Variants in OLA1 observed in about 807,000 individuals in gnomAD.
The protein encoded by OLA1 is Obg like ATPase 1, also known as obg-like ATPase 1.
OLA1 carries 14 observed loss-of-function variants against 48.4 expected under a neutral mutation model. The ratio of observed to expected loss-of-function variants is 0.29; its 90% confidence interval spans 0.19 to 0.45. The LOEUF (loss-of-function observed/expected upper bound fraction) is 0.45, where lower values mean the gene tolerates loss of function less well. OLA1 is among the 20% of genes least tolerant of loss of function. The pLI, the probability that OLA1 is intolerant of heterozygous loss-of-function variation, is 1.00. For synonymous variants in OLA1, 127 were observed against 150.4 expected (o/e 0.84, Z 1.14); for missense variants, 325 against 467.1 (o/e 0.70, Z 2.80).
At chr2:174,087,267 C>G (rs1347001567) in intron 7 of OLA1, among the ~76,000 whole-genome samples, 1 of 152,036 alleles carries the variant, frequency 6.6e-6, no homozygotes, top group Non-Finnish European at 1.5e-5. Flanking sequence ...CTCAGGTGAT[C>G]CACCCGCCTC....
chr2:174,227,773 A>G (rs1183132754), intron 3 of OLA1, among the ~76,000 whole-genome samples: 1 of 152,208 alleles, frequency 6.6e-6, no homozygotes, highest in Non-Finnish European at 1.5e-5. Flanking sequence ...TTACAGTACA[A>G]TAGTAACAAA....
At chr2:174,131,992 A>T (rs1686193320) in intron 5 of OLA1, among the ~76,000 whole-genome samples, 1 of 152,114 alleles carries the variant, frequency 6.6e-6, no homozygotes, top group South Asian at 2.1e-4. Context: ...CATCTGGGTC[A>T]GGACATTTCT....
intron 3 of OLA1, among the ~76,000 whole-genome samples, chr2:174,227,585 T>C (rs1427331467): frequency 6.6e-6 from 1 of 152,182 alleles, no homozygotes; most frequent in Non-Finnish European, 1.5e-5. Flanking sequence ...TTTATATAAA[T>C]TTAAAATCAT....
intron 4 of OLA1, among the ~76,000 whole-genome samples, chr2:174,187,919 G>A (rs539239926): frequency 6.6e-6 from 1 of 152,286 alleles, no homozygotes; most frequent in Admixed American, 6.5e-5. Flanking sequence ...TGGTGACTGT[G>A]AAGGATTCTG....
chr2:174,133,783 A>T (rs1043352904), intron 5 of OLA1, among the ~76,000 whole-genome samples: 1 of 115,332 alleles, frequency 8.7e-6, no homozygotes, highest in African/African-American at 2.6e-5. Flanking sequence ...TTTAATTTTT[A>T]AAAAAATTAC....
chr2:174,077,734 G>C (rs961843517), intron 10 of OLA1, among the ~76,000 whole-genome samples: 1 of 151,840 alleles, frequency 6.6e-6, no homozygotes, highest in African/African-American at 2.4e-5. Flanking sequence ...TGGTAAACAG[G>C]CTTACCATTT....
At chr2:174,078,214 A>C (rs1459624240) in intron 10 of OLA1, among the ~76,000 whole-genome samples, 1 of 152,008 alleles carries the variant, frequency 6.6e-6, no homozygotes, top group African/African-American at 2.4e-5. Flanking sequence ...ATCTTCTTTA[A>C]ATTCTATAAC....
chr2:174,235,133 C>T (rs767844769), intron 2 of OLA1, among the ~76,000 whole-genome samples: 3 of 151,816 alleles, frequency 2.0e-5, no homozygotes, highest in Non-Finnish European at 2.9e-5. Context: ...CACTCCAGCC[C>T]GGGCAACAGA....
intron 2 of OLA1, among the ~76,000 whole-genome samples, chr2:174,236,177 A>T (rs1025567670): frequency 6.6e-6 from 1 of 152,084 alleles, no homozygotes; most frequent in Non-Finnish European, 1.5e-5. Context: ...AAAAGCAGAA[A>T]TATATATACC....
At chr2:174,210,140 A>G (rs1688208765) in intron 4 of OLA1, among the ~76,000 whole-genome samples, 1 of 152,202 alleles carries the variant, frequency 6.6e-6, no homozygotes, top group Non-Finnish European at 1.5e-5. Flanking sequence ...TTGGAGGCAT[A>G]TGCTCCAAAA....
intron 10 of OLA1, among the ~76,000 whole-genome samples, chr2:174,075,813 C>T (rs941127465): frequency 6.6e-6 from 1 of 152,118 alleles, no homozygotes; most frequent in African/African-American, 2.4e-5. Context: ...TTTCATTACA[C>T]GCTGTTTATG....
At chr2:174,166,852 G>A (rs946872955) in intron 4 of OLA1, among the ~76,000 whole-genome samples, 2 of 152,056 alleles carry the variant, frequency 1.3e-5, no homozygotes, top group Admixed American at 1.3e-4. Context: ...CTAAAAGATT[G>A]TATTAACTTT....
chr2:174,159,174 G>A lies in OLA1; in HGVS notation c.374-17174C>T, dbSNP rs182435115. 6.2e-4 allele frequency among the ~76,000 whole-genome samples: 95 copies of A among 152,242 alleles called. 1 individual carries two copies. Among genetic ancestry groups the A allele is most frequent in the Non-Finnish European group, 5.1e-4 (35 of 67,998 alleles). On this transcript the variant is annotated intron_variant, in intron 4 of 10. Transcript: ENST00000284719. ...ACAAGAAATGGAAAGGGGCTAATCA[G>A]CAGAATTATTGTTTTGCTGCTACAA...
At chr2:174,245,398 C>G (rs1689103816) in intron 2 of OLA1, among the ~76,000 whole-genome samples, 1 of 152,158 alleles carries the variant, frequency 6.6e-6, no homozygotes, top group African/African-American at 2.4e-5. Flanking sequence ...CTTGGTCACG[C>G]CATGCTCTGT....
intron 4 of OLA1, among the ~76,000 whole-genome samples, chr2:174,222,535 AT>A (rs1000646990): frequency 6.6e-6 from 1 of 152,044 alleles, no homozygotes; most frequent in African/African-American, 2.4e-5. Flanking sequence ...CCACAGTCCT[AT>A]TTTTTCTCTT....
intron 4 of OLA1, among the ~76,000 whole-genome samples, chr2:174,213,504 A>AT (rs1688293414): frequency 6.6e-6 from 1 of 151,886 alleles, no homozygotes; most frequent in Non-Finnish European, 1.5e-5. Context: ...GAAAAAAAAA[A>AT]GGCTAAGGAT....
At chr2:174,202,308 T>G (rs909909724) in intron 4 of OLA1, among the ~76,000 whole-genome samples, 7 of 152,210 alleles carry the variant, frequency 4.6e-5, no homozygotes, top group African/African-American at 1.7e-4. Flanking sequence ...TTAACTGTAC[T>G]CCATACTGTA....
In OLA1 at chr2:174,239,300, T is replaced by A. The variant is rs576745869; in HGVS notation, c.101+7415A>T. Among the ~76,000 whole-genome samples the A allele has an allele frequency of 9.2e-5, 14 of 152,294 alleles. No individual in the cohort carries two copies. In the South Asian group the frequency reaches 2.9e-3, roughly 32 times the overall value. On this transcript the variant is annotated intron_variant, in intron 2 of 10. Transcript: ENST00000284719. Reference sequence around the variant, plus strand: ...TTAATTGCAATGGGAAAAATAACCCTTTCAGTGAAGAAATCTGTCAGATAC... The same window carrying A: ...TTAATTGCAATGGGAAAAATAACCCATTCAGTGAAGAAATCTGTCAGATAC...
intron 7 of OLA1, among the ~76,000 whole-genome samples, chr2:174,094,866 T>C (rs1406409273): frequency 2.0e-5 from 3 of 152,220 alleles, no homozygotes; most frequent in Non-Finnish European, 4.4e-5. Context: ...GTTTGACTAC[T>C]TTAGAAACTG....
Sources: allele counts gnomAD v4.1 joint callset (sites outside exome capture counted in the v4.1 genomes callset), GRCh38; gene constraint gnomAD v4.1.1; transcripts MANE v1.5; gene names NCBI Gene and HGNC (gene_info 2026-07-23, HGNC 2026-07-21).